The following WNT2B variants were observed in gnomAD, a reference collection of about 807,000 sequenced individuals.
The protein encoded by WNT2B is Wnt family member 2B.
A neutral mutation model predicts 40.5 loss-of-function variants in WNT2B; 19 were observed. The observed-to-expected ratio is 0.47, with a 90% confidence interval of 0.33 to 0.69. WNT2B has a LOEUF of 0.69. Among genes scored for constraint, WNT2B ranks in the 30% least tolerant of loss-of-function variants. The pLI is 0.02. For missense variants in WNT2B, 467 were observed against 556.4 expected, an observed-to-expected ratio of 0.84 and a Z score of 1.62; for synonymous variants, 220 against 211.9, an observed-to-expected ratio of 1.04 and a Z score of -0.33.
chr1:112,466,675 T>C (rs1390950688), exon 1 of WNT2B: 1 of 152,220 alleles, frequency 6.6e-6, no homozygotes, highest in African/African-American at 2.4e-5. Flanking sequence ...GAACAGTGGC[T>C]GACATATAGT....
chr1:112,513,557 G>C (rs923395971), intron 1 of WNT2B, among the ~76,000 whole-genome samples: 2 of 151,944 alleles, frequency 1.3e-5, no homozygotes, highest in African/African-American at 4.8e-5. Context: ...GGGGTGGTGG[G>C]GGGGGACACA....
Position 112,510,239 on chromosome 1 carries a change from G to A in WNT2B, c.182+795G>A, listed in dbSNP as rs185969814. Among the ~76,000 whole-genome samples the A allele has an allele frequency of 2.2e-4, 34 of 152,140 alleles. No homozygotes were observed. The East Asian group carries it at 6.2e-3, about 28-fold the overall frequency. On this transcript the variant is annotated intron_variant, in intron 1 of 4. Transcript: ENST00000369684. Reference sequence around the variant, plus strand: ...GCATTACAGATCCACTGGATGTCTCGTGTCTGTTCTTTTTAGAATCCTCCC... The same window carrying A: ...GCATTACAGATCCACTGGATGTCTCATGTCTGTTCTTTTTAGAATCCTCCC...
rs1280640433 is a variant in WNT2B at position 112,527,966 on chromosome 1, C to G, written c.*7457C>G. ...AATATTTGTGTGTAATAAGTAGACA[C>G]AAGAGGCTGGAGGAAGATGATCATT... is the stretch of plus-strand genomic sequence containing the variant. On this transcript the variant is annotated 3_prime_UTR_variant, in exon 5 of 5. Coordinates refer to ENST00000369684, the MANE Select transcript of WNT2B (RefSeq NM_024494.3). 1 of 152,100 alleles carries G rather than the reference C, an allele frequency of 6.6e-6. No individual in the cohort carries two copies. Among genetic ancestry groups the G allele is most frequent in the Non-Finnish European group, 1.5e-5 (1 of 68,014 alleles). The allele number at this position is 152,100 out of a possible 1,614,324, so 9.4% of individuals were successfully genotyped here.
exon 1 of WNT2B, chr1:112,466,620 A>G (rs1346122194): frequency 6.6e-6 from 1 of 152,212 alleles, no homozygotes; most frequent in African/African-American, 2.4e-5. Flanking sequence ...GGTCATTGAC[A>G]TAAGCCTTCA....
chr1:112,481,950 C>T (rs908723954), intron 1 of WNT2B, among the ~76,000 whole-genome samples: 4 of 151,990 alleles, frequency 2.6e-5, no homozygotes, highest in African/African-American at 9.7e-5. Context: ...AGTTTGAGAC[C>T]AGCCTGGCCA....
intron 1 of WNT2B, among the ~76,000 whole-genome samples, chr1:112,490,106 A>G (rs1651549630): frequency 6.8e-6 from 1 of 147,752 alleles, no homozygotes; most frequent in Admixed American, 7.0e-5. Flanking sequence ...TAAGAGTGGG[A>G]AATGGGATAC....
At chr1:112,481,287 A>T (rs1011800930) in intron 1 of WNT2B, among the ~76,000 whole-genome samples, 4 of 152,238 alleles carry the variant, frequency 2.6e-5, no homozygotes, top group Non-Finnish European at 5.9e-5. Flanking sequence ...AATCAATGTG[A>T]TACAACATAT....
chr1:112,479,738 G>A (rs1651164979), intron 1 of WNT2B, among the ~76,000 whole-genome samples: 1 of 151,896 alleles, frequency 6.6e-6, no homozygotes, highest in African/African-American at 2.4e-5. Context: ...TTGAGACGGG[G>A]TCTCGCTCTG....
At chr1:112,467,686 T>C (rs1233243694) in intron 1 of WNT2B, 1 of 694,374 alleles carries the variant, frequency 1.4e-6, no homozygotes, top group Non-Finnish European at 2.7e-6. Flanking sequence ...ATGGGGTATA[T>C]ATGATCATAT....
chr1:112,513,930 A>G (rs953781397), intron 1 of WNT2B, among the ~76,000 whole-genome samples: 6 of 152,174 alleles, frequency 3.9e-5, no homozygotes, highest in African/African-American at 1.4e-4. Context: ...GAAGGGTGAT[A>G]TACTCCTGTT....
At chr1:112,496,548 TG>T (rs1476769878) in intron 1 of WNT2B, among the ~76,000 whole-genome samples, 1 of 152,112 alleles carries the variant, frequency 6.6e-6, no homozygotes, top group Admixed American at 6.5e-5. Flanking sequence ...ACAACTTACA[TG>T]CTTCCAAAAT....
In WNT2B at chr1:112,516,379, G is replaced by A. The variant is rs910103394; in HGVS notation, c.643G>A (p.Ala215Thr). 2.5e-6 allele frequency: 4 copies of A among 1,613,706 alleles called. No homozygotes were observed. Among genetic ancestry groups the A allele is most frequent in the African/African-American group, 2.7e-5 (2 of 74,858 alleles). ...GGAGAAGAGGCTTAAGGATGCCCGG[G>A]CCCTCATGAACTTACATAATAACCG... Reference protein sequence around the residue: ...AKEKRLKDARALMNLHNNRCG... With the variant: ...AKEKRLKDARTLMNLHNNRCG... The change falls in exon 3 of 5, where the codon GCC (alanine) becomes ACC (threonine). Residue 215 changes from alanine to threonine, a missense_variant. By Grantham distance (58) the Ala-to-Thr change is moderately conservative (BLOSUM62 0). Around this residue, in one of 2 missense-constraint regions of WNT2B, gnomAD observed 330 missense variants for 438.6 expected, o/e 0.75. Coordinates refer to ENST00000369684, the MANE Select transcript of WNT2B (RefSeq NM_024494.3).
rs146775060 is a variant in WNT2B at position 112,477,361 on chromosome 1, C to T, written c.-95+9770C>T. Among the ~76,000 whole-genome samples, 764 of 152,294 alleles carry T rather than the reference C, an allele frequency of 5.0e-3. 6 individuals carry two copies. The highest frequency in any genetic ancestry group is 0.018 in the African/African-American group (728 of 41,548). On this transcript the variant is annotated intron_variant, in intron 1 of 4. Transcript: ENST00000256640. ...GAACCACCACACCCAACTCAGACAG[C>T]ATCTTCATGCCCACTTATAAATGGT...
chr1:112,494,428 G>A (rs1343993632), intron 1 of WNT2B, among the ~76,000 whole-genome samples: 2 of 151,244 alleles, frequency 1.3e-5, no homozygotes, highest in Admixed American at 1.3e-4. Flanking sequence ...GAGTACAGTG[G>A]CACAATCATG....
Position 112,509,254 on chromosome 1 carries a change from C to T in WNT2B, c.-9C>T, listed in dbSNP as rs1455509623. The T allele has an allele frequency of 2.6e-6, 4 of 1,514,500 alleles. No homozygotes were observed. Among genetic ancestry groups the T allele is most frequent in the Non-Finnish European group, 3.5e-6 (4 of 1,137,764 alleles). The allele number at this position is 1,514,500 out of a possible 1,614,324, so 93.8% of individuals were successfully genotyped here. ...CTCCGGGCTGCGCGGCGGGAGTCTT[C>T]GGGGAGCTATGCTGAGACCGGGTGG... On this transcript the variant is annotated 5_prime_UTR_variant, in exon 1 of 5. Coordinates refer to ENST00000369684, the MANE Select transcript of WNT2B (RefSeq NM_024494.3). The surrounding 1 kb of genome is among the most constrained non-coding windows in gnomAD (Gnocchi z 4.2).
chr1:112,507,846 C>T (rs1652164893), upstream of WNT2B, among the ~76,000 whole-genome samples: 1 of 152,226 alleles, frequency 6.6e-6, no homozygotes, highest in Non-Finnish European at 1.5e-5. Flanking sequence ...GAACTCTGAA[C>T]TCTCGAAGTT....
chr1:112,484,683 T>C (rs1448326561), intron 1 of WNT2B, among the ~76,000 whole-genome samples: 1 of 151,654 alleles, frequency 6.6e-6, no homozygotes, highest in Non-Finnish European at 1.5e-5. Flanking sequence ...GGAGGATTGC[T>C]TGAGACCAGG....
Position 112,517,184 on chromosome 1 carries a change from C to T in WNT2B, c.745C>T (p.Arg249Cys), listed in dbSNP as rs1447837505. The change falls in exon 4 of 5, where the codon CGC becomes TGC. Residue 249 changes from arginine to cysteine, a missense_variant. By Grantham distance (180) the Arg-to-Cys change is radical. Coordinates refer to ENST00000369684, the MANE Select transcript of WNT2B (RefSeq NM_024494.3). The part of the protein sequence containing the change: ...CHGVSGSCTL[R>C]TCWRALSDFR... ...TGGCGTGAGTGGTTCCTGTACTCTG[C>T]GCACCTGCTGGCGTGCACTCTCAGA... The T allele has an allele frequency of 2.5e-6, 4 of 1,614,066 alleles. No homozygotes were observed. Among genetic ancestry groups the T allele is most frequent in the Non-Finnish European group, 1.7e-6 (2 of 1,180,044 alleles).
chr1:112,522,067 G>A lies in WNT2B; in HGVS notation c.*1558G>A, dbSNP rs1652913036. 1 of 151,878 alleles carries A rather than the reference G, an allele frequency of 6.6e-6. No individual in the cohort carries two copies. Among genetic ancestry groups the A allele is most frequent in the African/African-American group, 2.4e-5 (1 of 41,292 alleles). The allele number at this position is 151,878 out of a possible 1,614,324, so 9.4% of individuals were successfully genotyped here. On this transcript the variant is annotated 3_prime_UTR_variant, in exon 5 of 5. Coordinates refer to ENST00000369684, the MANE Select transcript of WNT2B (RefSeq NM_024494.3). ...TCTTTTAGAGATAGGGTCTCGCTTT[G>A]TTGCCCAGGCTGGAGTGCACTGGCA...
Sources: allele counts gnomAD v4.1 joint callset (sites outside exome capture counted in the v4.1 genomes callset), GRCh38; gene constraint gnomAD v4.1.1; regional missense constraint gnomAD v4.1.1; non-coding constraint Gnocchi (gnomAD v3.1); transcripts MANE v1.5; gene names NCBI Gene and HGNC (gene_info 2026-07-23, HGNC 2026-07-21).